DYNC2LI1: variants seen among roughly 807,000 people sequenced by gnomAD.
The protein encoded by DYNC2LI1 is dynein cytoplasmic 2 light intermediate chain 1.
DYNC2LI1 carries 45 observed loss-of-function variants against 51.9 expected under a neutral mutation model. The ratio of observed to expected loss-of-function variants is 0.87; its 90% CI spans 0.68 to 1.11. The LOEUF is 1.11. Among genes scored for constraint, DYNC2LI1 ranks in the 50% most tolerant of loss-of-function variants. The pLI is 0.00. For synonymous variants in DYNC2LI1, 130 were observed against 137.8 expected (o/e 0.94, Z 0.40); for missense variants, 490 against 417.4 (o/e 1.17, Z -1.51).
intron 12 of DYNC2LI1, among the ~76,000 whole-genome samples, chr2:43,808,035 A>C (rs1304246940): frequency 6.6e-6 from 1 of 152,198 alleles, no homozygotes; most frequent in Non-Finnish European, 1.5e-5. Context: ...AGAATCTCAA[A>C]ACAACATTTT....
intron 5 of DYNC2LI1, chr2:43,794,013 G>T (rs1162172981): frequency 6.4e-6 from 1 of 157,236 alleles, no homozygotes; most frequent in Admixed American, 6.2e-5. Flanking sequence ...GAGGGTTATT[G>T]TGGAGATTAA....
At chr2:43,774,246 C>A in intron 1 of DYNC2LI1, 100 bp downstream of exon 1, 1 of 1,504,968 alleles carries the variant, frequency 6.6e-7, no homozygotes, top group Non-Finnish European at 9.1e-7. Context: ...GTGGGGGTGG[C>A]TACTTGCCAC....
chr2:43,817,367 C>T, the DYNC2LI1 span, among the ~76,000 whole-genome samples: 5 of 152,060 alleles, frequency 3.3e-5, no homozygotes, highest in African/African-American at 1.2e-4. Flanking sequence ...CACCTGTAAT[C>T]CCAGCTATTC....
At chr2:43,815,607 C>G in the DYNC2LI1 span, among the ~76,000 whole-genome samples, 1 of 152,026 alleles carries the variant, frequency 6.6e-6, no homozygotes, top group Non-Finnish European at 1.5e-5. Context: ...ACGTGGGACT[C>G]TGGGAAGGAA....
chr2:43,822,416 C>G, the DYNC2LI1 span: 4 of 689,374 alleles, frequency 5.8e-6, no homozygotes, highest in East Asian at 5.4e-4. Context: ...TGTCCTCTTC[C>G]CACCCTCTGA....
At chr2:43,820,101 C>T in the DYNC2LI1 span, 1 of 1,613,376 alleles carries the variant, frequency 6.2e-7, no homozygotes, top group Non-Finnish European at 8.5e-7. Flanking sequence ...GCCCAGCGTC[C>T]TAGAAAAGCA....
chr2:43,781,642 G>A (rs1426565502), intron 2 of DYNC2LI1: 2 of 142,100 alleles, frequency 1.4e-5, no homozygotes, highest in Admixed American at 7.5e-5. Context: ...TCGCTCTGTC[G>A]CCTAGGTTCG....
intron 2 of DYNC2LI1, among the ~76,000 whole-genome samples, chr2:43,780,351 C>G (rs1445857620): frequency 1.3e-5 from 2 of 152,022 alleles, no homozygotes; most frequent in African/African-American, 4.8e-5. Context: ...TTGCCAAGAC[C>G]CATGTGGGTG....
intron 2 of DYNC2LI1, among the ~76,000 whole-genome samples, chr2:43,779,875 T>TC (rs1673193103): frequency 6.6e-6 from 1 of 152,196 alleles, no homozygotes; most frequent in African/African-American, 2.4e-5. Context: ...ACATGGTTTT[T>TC]CTCCACCATC....
intron 12 of DYNC2LI1, among the ~76,000 whole-genome samples, chr2:43,806,946 A>G (rs1393985506): frequency 6.6e-6 from 1 of 152,104 alleles, no homozygotes; most frequent in African/African-American, 2.4e-5. Flanking sequence ...TTTGCCTCTA[A>G]ACCACTTTTA....
intron 5 of DYNC2LI1, among the ~76,000 whole-genome samples, chr2:43,791,657 T>A (rs183246591): frequency 2.0e-5 from 3 of 152,138 alleles, no homozygotes; most frequent in African/African-American, 7.2e-5. Flanking sequence ...ACTCAAACTG[T>A]TTTTGACTGG....
chr2:43,801,570 A>G, intron 9 of DYNC2LI1, 69 bp from the exon 10 acceptor site: 1 of 1,158,782 alleles, frequency 8.6e-7, no homozygotes, highest in Non-Finnish European at 1.3e-6. Flanking sequence ...TTGCTGTCAT[A>G]TTTACAGGAG....
chr2:43,808,966 C>T (rs1427228183), intron 12 of DYNC2LI1, among the ~76,000 whole-genome samples: 3 of 37,386 alleles, frequency 8.0e-5, no homozygotes, highest in African/African-American at 3.5e-4. Flanking sequence ...ACAAAGGATA[C>T]ACACACACAC....
the DYNC2LI1 span, among the ~76,000 whole-genome samples, chr2:43,818,960 T>C: frequency 6.6e-6 from 1 of 152,144 alleles, no homozygotes. Flanking sequence ...GGTCAGCCTC[T>C]CTCCACGAAG....
chr2:43,795,284 T>C, intron 6 of DYNC2LI1: 1 of 683,246 alleles, frequency 1.5e-6, no homozygotes, highest in Non-Finnish European at 1.8e-6. Context: ...GGCGGGCGGA[T>C]CACGACGTCA....
chr2:43,823,222 G>A, the DYNC2LI1 span, among the ~76,000 whole-genome samples: 3 of 152,070 alleles, frequency 2.0e-5, no homozygotes, highest in Non-Finnish European at 4.4e-5. Flanking sequence ...TGCAAAAGGG[G>A]CATGAATAAG....
At chr2:43,820,488 C>G in the DYNC2LI1 span, among the ~76,000 whole-genome samples, 1 of 152,246 alleles carries the variant, frequency 6.6e-6, no homozygotes, top group African/African-American at 2.4e-5. Context: ...AGGGCTCACC[C>G]AACCCGCTTC....
Position 43,795,967 on chromosome 2 carries a change from T to G in DYNC2LI1, c.576+9T>G. ...AATATGATGTTTTTCAGGTAAGCTCTTCCGCTTCTAGCTGAGTTTGTTGTA... is the reference window on the plus strand; with the variant it reads ...AATATGATGTTTTTCAGGTAAGCTCGTCCGCTTCTAGCTGAGTTTGTTGTA... On this transcript the variant is annotated intron_variant, in intron 7 of 12. Transcript: ENST00000260605. 29 of 1,606,634 alleles carry G rather than the reference T, an allele frequency of 1.8e-5. No individual in the cohort carries two copies. The highest frequency in any genetic ancestry group is 2.2e-5 in the South Asian group (2 of 90,872).
rs557429046 is a variant in DYNC2LI1, at chr2:43,783,335, G to C, written c.127-185G>C. On this transcript the variant is annotated intron_variant, in intron 2 of 12. Transcript: ENST00000260605. The stretch of plus-strand genomic sequence containing the variant: ...CAGTGTAGTTACACTGTGATGGAAA[G>C]TTGACAGTTAACTTTTTCCACTTAT... Among the ~76,000 whole-genome samples, 5 of 152,254 alleles carry C rather than the reference G, an allele frequency of 3.3e-5. No homozygotes were observed. In the East Asian group the frequency reaches 7.7e-4, roughly 23 times the overall value.
Sources: allele counts gnomAD v4.1 joint callset (sites outside exome capture counted in the v4.1 genomes callset), GRCh38; gene constraint gnomAD v4.1.1; transcripts MANE v1.5; gene names NCBI Gene and HGNC (gene_info 2026-07-23, HGNC 2026-07-21).